GPC6: variants seen among roughly 807,000 people sequenced by gnomAD.
GPC6 encodes the protein glypican 6, also known as glypican-6.
In GPC6, 14 loss-of-function variants were observed where a neutral mutation model predicts 55.2. The ratio of observed to expected loss-of-function variants is 0.25; its 90% confidence interval spans 0.17 to 0.40. The LOEUF (loss-of-function observed/expected upper bound fraction) is 0.40, where lower values mean the gene tolerates loss of function less well. Ranked by LOEUF, GPC6 falls within the 10% of genes least tolerant of loss-of-function variation. The pLI, the probability that GPC6 is intolerant of heterozygous loss-of-function variation, is 1.00. For synonymous variants in GPC6, 278 were observed against 259.6 expected (o/e 1.07, Z -0.68); for missense variants, 641 against 708.5 (o/e 0.90, Z 1.08).
At chr13:93,366,888 T>C (rs1881270371) in intron 1 of GPC6, among the ~76,000 whole-genome samples, 1 of 152,086 alleles carries the variant, frequency 6.6e-6, no homozygotes, top group Non-Finnish European at 1.5e-5. Flanking sequence ...AAACTCCTAG[T>C]CTGTTTTTTA....
chr13:94,200,131 G>T (rs1889704513), intron 4 of GPC6, among the ~76,000 whole-genome samples: 1 of 149,264 alleles, frequency 6.7e-6, no homozygotes, highest in African/African-American at 2.5e-5. Flanking sequence ...ACTCCAGCCT[G>T]GGCAACAAGA....
chr13:93,632,590 A>AATAT (rs71202591), intron 2 of GPC6, among the ~76,000 whole-genome samples: 2 of 99,336 alleles, frequency 2.0e-5, no homozygotes, highest in South Asian at 3.4e-4. Context: ...CCATGTCTCA[A>AATAT]ATATATGTAT....
At chr13:93,438,644 A>T (rs1270477249) in intron 1 of GPC6, among the ~76,000 whole-genome samples, 1 of 152,206 alleles carries the variant, frequency 6.6e-6, no homozygotes, top group Non-Finnish European at 1.5e-5. Flanking sequence ...TCTTAAGGAT[A>T]AGTGAAGAAA....
chr13:94,182,030 T>G (rs1889013641), intron 4 of GPC6, among the ~76,000 whole-genome samples: 2 of 152,164 alleles, frequency 1.3e-5, no homozygotes, highest in South Asian at 4.1e-4. Context: ...AGTTGGGAGA[T>G]AGCTGAGCCA....
intron 2 of GPC6, among the ~76,000 whole-genome samples, chr13:93,607,462 A>G (rs1402542151): frequency 1.3e-5 from 2 of 152,170 alleles, no homozygotes. Context: ...AAGATTTGGA[A>G]AGGGCCTTGC....
intron 2 of GPC6, among the ~76,000 whole-genome samples, chr13:93,670,866 A>G (rs969412752): frequency 6.6e-6 from 1 of 152,320 alleles, no homozygotes; most frequent in Non-Finnish European, 1.5e-5. Flanking sequence ...CAATTTTTAA[A>G]TGGCTTTATT....
At chr13:93,520,854 A>G (rs528690380) in intron 1 of GPC6, among the ~76,000 whole-genome samples, 70 of 152,084 alleles carry the variant, frequency 4.6e-4, no homozygotes, top group African/African-American at 1.4e-3. Flanking sequence ...GACAAACTAT[A>G]CAGGCATGGA....
At chr13:94,360,294 C>T (rs531330229) in intron 6 of GPC6, among the ~76,000 whole-genome samples, 31 of 152,056 alleles carry the variant, frequency 2.0e-4, no homozygotes, top group South Asian at 8.3e-4. Flanking sequence ...TTATTATTTC[C>T]GCTGATAGTT....
At chr13:94,129,484 C>G (rs990741672) in intron 4 of GPC6, among the ~76,000 whole-genome samples, 9 of 152,120 alleles carry the variant, frequency 5.9e-5, no homozygotes, top group Non-Finnish European at 1.2e-4. Flanking sequence ...GCAGTAACAG[C>G]AGCAGTAGCA....
chr13:93,454,789 C>T (rs927209553), intron 1 of GPC6, among the ~76,000 whole-genome samples: 18 of 152,260 alleles, frequency 1.2e-4, no homozygotes, highest in African/African-American at 4.3e-4. Flanking sequence ...TGCGCCTGCA[C>T]TCCTCGGCCC....
chr13:93,997,583 G>GTC (rs901891555), intron 3 of GPC6, among the ~76,000 whole-genome samples: 1 of 128,904 alleles, frequency 7.8e-6, no homozygotes, highest in African/African-American at 3.2e-5. Context: ...GACATAATAT[G>GTC]TGTGTGTGTG....
At chr13:93,520,912 C>G (rs116124069) in intron 1 of GPC6, among the ~76,000 whole-genome samples, 1 of 151,748 alleles carries the variant, frequency 6.6e-6, no homozygotes, top group African/African-American at 2.4e-5. Context: ...ACTTCTGTCT[C>G]GGAACTGATG....
chr13:93,701,892 G>A (rs1882682623), intron 2 of GPC6, among the ~76,000 whole-genome samples: 1 of 151,960 alleles, frequency 6.6e-6, no homozygotes. Context: ...TTCCACTTTT[G>A]CAGTTACTTC....
At chr13:93,908,601 GT>G (rs1402927155) in intron 3 of GPC6, among the ~76,000 whole-genome samples, 1 of 152,120 alleles carries the variant, frequency 6.6e-6, no homozygotes, top group Non-Finnish European at 1.5e-5. Flanking sequence ...CTAAGACCTT[GT>G]CAGTGGCTGT....
At chr13:94,282,209 A>C (rs1892404231) in intron 4 of GPC6, among the ~76,000 whole-genome samples, 1 of 152,168 alleles carries the variant, frequency 6.6e-6, no homozygotes, top group Non-Finnish European at 1.5e-5. Context: ...GTAATTTATA[A>C]AGGAAAGAGG....
intron 4 of GPC6, among the ~76,000 whole-genome samples, chr13:94,073,297 G>T (rs1397695921): frequency 6.6e-6 from 1 of 152,182 alleles, no homozygotes; most frequent in East Asian, 1.9e-4. Flanking sequence ...CATGAAATGT[G>T]CAAGCTTCTT....
chr13:93,545,159 G>C (rs887472332), intron 1 of GPC6, 104 bp from the exon 2 acceptor site: 5 of 959,938 alleles, frequency 5.2e-6, no homozygotes, highest in Non-Finnish European at 6.7e-6. Flanking sequence ...GAAGTAGATG[G>C]AACAAGCACC....
intron 4 of GPC6, among the ~76,000 whole-genome samples, chr13:94,057,153 G>T (rs975137853): frequency 2.0e-5 from 3 of 152,132 alleles, no homozygotes; most frequent in African/African-American, 7.2e-5. Context: ...CATAGTGAAT[G>T]AAATTTAGAG....
intron 2 of GPC6, among the ~76,000 whole-genome samples, chr13:93,795,856 T>G (rs1239081525): frequency 6.6e-6 from 1 of 151,902 alleles, no homozygotes; most frequent in Admixed American, 6.5e-5. Context: ...CATGGGGAAG[T>G]ATTTTGAAAA....
Sources: allele counts gnomAD v4.1 joint callset (sites outside exome capture counted in the v4.1 genomes callset), GRCh38; gene constraint gnomAD v4.1.1; transcripts MANE v1.5; gene names NCBI Gene and HGNC (gene_info 2026-07-23, HGNC 2026-07-21).